The following TALDO1 variants were observed in gnomAD, a reference collection of about 807,000 sequenced individuals.
TALDO1 encodes transaldolase 1.
In TALDO1, 29 loss-of-function variants were observed where a neutral mutation model predicts 38.1. That is an observed-to-expected ratio of 0.76 (90% CI 0.57 to 1.04). The LOEUF (loss-of-function observed/expected upper bound fraction) is 1.04, where lower values mean the gene tolerates loss of function less well. Ranked by LOEUF, TALDO1 falls within the 50% of genes least tolerant of loss-of-function variation. The pLI is 0.00. For synonymous variants in TALDO1, 207 were observed against 176.8 expected (o/e 1.17, Z -1.36); for missense variants, 499 against 438.1 (o/e 1.14, Z -1.24).
In TALDO1 at chr11:755,444, C is replaced by G. The variant is rs75561258; in HGVS notation, c.98-435C>G. Among the ~76,000 whole-genome samples the G allele has an allele frequency of 1.7e-3, 265 of 152,180 alleles. 5 individuals are homozygous for G. The East Asian group carries it at 0.041, about 24-fold the overall frequency. Reference sequence around the variant, plus strand: ...CAGGCGTGGGCCGCCGCGCCCAGCTCCCCTTGGCTTCTTGACTCTGTTGCA... The same window carrying G: ...CAGGCGTGGGCCGCCGCGCCCAGCTGCCCTTGGCTTCTTGACTCTGTTGCA... On this transcript the variant is annotated intron_variant, in intron 1 of 7. Coordinates refer to ENST00000319006, the MANE Select transcript of TALDO1 (RefSeq NM_006755.2).
chr11:763,135 T>G (rs1479677111), intron 4 of TALDO1, among the ~76,000 whole-genome samples: 1 of 148,374 alleles, frequency 6.7e-6, no homozygotes, highest in African/African-American at 2.4e-5. Context: ...TTAAGGCCCG[T>G]GAGCGTCTTT....
rs73409146 is a variant in TALDO1, at chr11:763,070, G to A, written c.462-274G>A. On this transcript the variant is annotated intron_variant, in intron 4 of 7. Coordinates refer to ENST00000319006, the MANE Select transcript of TALDO1 (RefSeq NM_006755.2). ...AACCCACTATCCACTTAGAGCCCTC[G>A]AGTCTTACCGATTTGTTCTTAACAA... Among the ~76,000 whole-genome samples, 76 of 151,940 alleles carry A rather than the reference G, an allele frequency of 5.0e-4. 2 individuals are homozygous for A. Among genetic ancestry groups the A allele is most frequent in the African/African-American group, 6.0e-4 (25 of 41,490 alleles).
intron 6 of TALDO1, 122 bp from the exon 7 acceptor site, chr11:764,166 C>G: frequency 1.3e-6 from 2 of 1,564,212 alleles, no homozygotes; most frequent in Non-Finnish European, 1.8e-6. Context: ...GTGAGCCTTG[C>G]TGGGGCCAAG....
At chr11:755,829 T>G in intron 1 of TALDO1, 50 bp from the exon 2 acceptor site, 2 of 1,613,666 alleles carry the variant, frequency 1.2e-6, no homozygotes, top group Non-Finnish European at 8.5e-7. Context: ...ATGTTTCCAG[T>G]TGGAAGCAAG....
chr11:756,133 T>C, intron 2 of TALDO1, 131 bp downstream of exon 2: 1 of 1,354,598 alleles, frequency 7.4e-7, no homozygotes, highest in Non-Finnish European at 9.9e-7. Context: ...CCTATCTTTT[T>C]GCCTATTTTT....
chr11:750,743 C>G (rs1862736691), intron 1 of TALDO1, among the ~76,000 whole-genome samples: 1 of 151,468 alleles, frequency 6.6e-6, no homozygotes, highest in South Asian at 2.1e-4. Context: ...GAGAATGGTG[C>G]GAACCTGGGA....
intron 3 of TALDO1, among the ~76,000 whole-genome samples, chr11:759,422 A>G (rs995745907): frequency 1.9e-4 from 29 of 151,610 alleles, no homozygotes; most frequent in Admixed American, 1.1e-3. Flanking sequence ...CACCATGCCC[A>G]GCTAATTTGT....
chr11:749,867 G>C (rs1297185571), intron 1 of TALDO1, among the ~76,000 whole-genome samples: 2 of 152,196 alleles, frequency 1.3e-5, no homozygotes, highest in African/African-American at 4.8e-5. Context: ...GAGTATAGAT[G>C]CACAACAGGC....
At chr11:758,751 C>A (rs536513945) in intron 2 of TALDO1, among the ~76,000 whole-genome samples, 199 bp from the exon 3 acceptor site, 1 of 152,096 alleles carries the variant, frequency 6.6e-6, no homozygotes, top group African/African-American at 2.4e-5. Context: ...ACTACAGGCA[C>A]CCGCCACCAT....
At chr11:764,774 A>G (rs752648453) in intron 7 of TALDO1, 39 bp from the exon 8 acceptor site, 1 of 1,614,060 alleles carries the variant, frequency 6.2e-7, no homozygotes, top group Admixed American at 1.7e-5. Flanking sequence ...TGCAGAAGGT[A>G]GGGTGGGGAG....
At chr11:761,518 A>G (rs959144736) in intron 4 of TALDO1, among the ~76,000 whole-genome samples, 54 of 152,088 alleles carry the variant, frequency 3.6e-4, no homozygotes, top group African/African-American at 1.3e-3. Flanking sequence ...CAAACCAAAC[A>G]TATGTACGTT....
At chr11:750,270 CT>C (rs569479244) in intron 1 of TALDO1, among the ~76,000 whole-genome samples, 95 of 152,110 alleles carry the variant, frequency 6.2e-4, no homozygotes, top group Non-Finnish European at 1.0e-3. Flanking sequence ...TTAAAGGACC[CT>C]TTGAAAGTAC....
intron 2 of TALDO1, among the ~76,000 whole-genome samples, chr11:756,512 ATTT>A (rs34721664): frequency 1.7e-4 from 20 of 115,362 alleles, no homozygotes; most frequent in African/African-American, 4.0e-4. Flanking sequence ...TCATTTTTGT[ATTT>A]TTTTTTTTTT....
At chr11:763,562 A>T in intron 5 of TALDO1, 43 bp downstream of exon 5, 1 of 1,611,384 alleles carries the variant, frequency 6.2e-7, no homozygotes, top group Non-Finnish European at 8.5e-7. Context: ...GAGCAGCCTC[A>T]GCAGCACCTC....
rs1459846308 is a variant in TALDO1 at position 763,929 on chromosome 11, C to T, written c.820C>T (p.Leu274Phe). The T allele has an allele frequency of 5.0e-6, 8 of 1,610,330 alleles. No homozygotes were observed. Among genetic ancestry groups the T allele is most frequent in the Non-Finnish European group, 5.9e-6 (7 of 1,179,862 alleles). Reference sequence around the variant, plus strand: ...GGACAACGCCAAGCTGGTGCCTGTGCTCTCAGCCAAGGCGGGTGAGGCCCC... The same window carrying T: ...GGACAACGCCAAGCTGGTGCCTGTGTTCTCAGCCAAGGCGGGTGAGGCCCC... ...LQDNAKLVPV[L>F]SAKAAQASDL... is the part of the protein sequence containing the mutation. Residue 274 changes from leucine to phenylalanine, a missense_variant, in exon 6 of 8, where the codon CTC (leucine) becomes TTC (phenylalanine). By Grantham distance (22) the Leu-to-Phe change is conservative (BLOSUM62 0). Transcript: ENST00000319006.
chr11:763,861 A>G lies in TALDO1; in HGVS notation c.752A>G (p.Asp251Gly). ...GAGATCAAAGCACTGGCCGGCTGTG[A>G]CTTCCTCACCATCTCACCCAAGCTC... ...TGEIKALAGC[D>G]FLTISPKLLG... Residue 251 changes from aspartate (D) to glycine (G), a missense_variant, in exon 6 of 8, where the codon GAC becomes GGC. Physicochemically the swap from Asp to Gly is moderately conservative, Grantham distance 94. Coordinates refer to ENST00000319006, the MANE Select transcript of TALDO1 (RefSeq NM_006755.2). 1 of 1,613,904 alleles carries G rather than the reference A, an allele frequency of 6.2e-7. No homozygotes were observed.
At chr11:760,456 T>G (rs1862909433) in intron 4 of TALDO1, 5 of 711,266 alleles carry the variant, frequency 7.0e-6, no homozygotes, top group Non-Finnish European at 9.1e-6. Flanking sequence ...TTGCTGGTGA[T>G]CAGAAATGAG....
At chr11:758,038 C>CT (rs1862867272) in intron 2 of TALDO1, among the ~76,000 whole-genome samples, 1 of 152,234 alleles carries the variant, frequency 6.6e-6, no homozygotes, top group Non-Finnish European at 1.5e-5. Flanking sequence ...AATCCCAGCA[C>CT]TTTGAGAGGC....
At chr11:747,703 G>C in intron 1 of TALDO1, 125 bp downstream of exon 1, 1 of 810,640 alleles carries the variant, frequency 1.2e-6, no homozygotes, top group Non-Finnish European at 1.9e-6. Flanking sequence ...GCTCGTTCCG[G>C]GAGGAATGAG....
Sources: allele counts gnomAD v4.1 joint callset (sites outside exome capture counted in the v4.1 genomes callset), GRCh38; gene constraint gnomAD v4.1.1; transcripts MANE v1.5; gene names NCBI Gene and HGNC (gene_info 2026-07-23, HGNC 2026-07-21).